FYN: variants seen among roughly 807,000 people sequenced by gnomAD.
FYN encodes FYN proto-oncogene, Src family tyrosine kinase.
A neutral mutation model predicts 70.2 loss-of-function variants in FYN; 10 were observed. That is an observed-to-expected ratio of 0.14 (90% CI 0.09 to 0.24). FYN has a LOEUF of 0.24. FYN is among the 10% of genes least tolerant of loss of function. The pLI, the probability that FYN is intolerant of heterozygous loss-of-function variation, is 1.00. For missense variants in FYN, 319 were observed against 673.1 expected (o/e 0.47, Z 5.82); for synonymous variants, 236 against 248.6 (o/e 0.95, Z 0.48).
chr6:111,676,719 G>A (rs1175202576), intron 12 of FYN, among the ~76,000 whole-genome samples: 2 of 152,210 alleles, frequency 1.3e-5, no homozygotes, highest in Non-Finnish European at 2.9e-5. Flanking sequence ...GACCATCTCT[G>A]AAGTAAATGG....
At chr6:111,805,457 A>G (rs1157446181) in intron 2 of FYN, among the ~76,000 whole-genome samples, 3 of 152,108 alleles carry the variant, frequency 2.0e-5, no homozygotes, top group African/African-American at 7.2e-5. Context: ...AAATCTGGCA[A>G]CTCTACACAT....
At chr6:111,679,124 G>C (rs754806812) in intron 12 of FYN, among the ~76,000 whole-genome samples, 1 of 151,996 alleles carries the variant, frequency 6.6e-6, no homozygotes, top group Admixed American at 6.6e-5. Flanking sequence ...GCCCTTCTTT[G>C]ACTGCTTTGC....
chr6:111,759,472 T>C (rs1802904285), intron 3 of FYN, among the ~76,000 whole-genome samples: 1 of 152,194 alleles, frequency 6.6e-6, no homozygotes, highest in African/African-American at 2.4e-5. Flanking sequence ...ACTCCAGCCC[T>C]CGTGCAGTGG....
intron 3 of FYN, among the ~76,000 whole-genome samples, chr6:111,752,186 A>G (rs190558981): frequency 6.6e-6 from 1 of 152,322 alleles, no homozygotes; most frequent in East Asian, 1.9e-4. Flanking sequence ...CTATTAGTCC[A>G]ACTTCGTGAT....
intron 2 of FYN, among the ~76,000 whole-genome samples, chr6:111,810,506 T>C (rs1318824225): frequency 6.6e-6 from 1 of 152,234 alleles, no homozygotes; most frequent in Admixed American, 6.5e-5. Context: ...TTAGATGTTT[T>C]AGTTCGGCCC....
chr6:111,854,587 G>A (rs987616905), intron 1 of FYN, among the ~76,000 whole-genome samples: 8 of 152,298 alleles, frequency 5.3e-5, no homozygotes, highest in Middle Eastern at 3.4e-3. Flanking sequence ...AAACAGATCT[G>A]CTACAGATCT....
chr6:111,829,209 TC>T (rs1330037718), intron 2 of FYN, among the ~76,000 whole-genome samples: 1 of 152,204 alleles, frequency 6.6e-6, no homozygotes, highest in Non-Finnish European at 1.5e-5. Context: ...CAGTCTTAAC[TC>T]ACCATCATCC....
At chr6:111,762,138 T>A (rs1205035382) in intron 3 of FYN, among the ~76,000 whole-genome samples, 1 of 151,948 alleles carries the variant, frequency 6.6e-6, no homozygotes, top group Non-Finnish European at 1.5e-5. Flanking sequence ...CTGGAAAAAA[T>A]AACTTGTTCA....
chr6:111,762,696 C>T (rs6926566), intron 3 of FYN, among the ~76,000 whole-genome samples: 70,242 of 151,894 alleles, frequency 0.46, 16,426 homozygotes, highest in East Asian at 0.61. Context: ...TGGGGGAAGT[C>T]TGCATGCAGG....
intron 3 of FYN, among the ~76,000 whole-genome samples, chr6:111,779,897 C>CAA (rs1025083782): frequency 6.6e-6 from 1 of 152,240 alleles, no homozygotes; most frequent in African/African-American, 2.4e-5. Context: ...ATTCTCACAA[C>CAA]AACCCTATGA....
chr6:111,845,537 A>T (rs1474387955), intron 2 of FYN, among the ~76,000 whole-genome samples: 1 of 152,208 alleles, frequency 6.6e-6, no homozygotes, highest in African/African-American at 2.4e-5. Flanking sequence ...TTGTTCTGGA[A>T]CAATGTTTCA....
chr6:111,702,895 T>C lies in FYN; in HGVS notation c.687A>G (p.Gln229=), dbSNP rs77439992. ...AQFETLQQLV[Q]HYSERAAGLC... ...TAGAATTAAGGTTACCTGAGTAATG[T>C]TGTACAAGCTGCTGAAGTGTTTCAA... is the stretch of plus-strand genomic sequence containing the variant. The change falls in exon 8 of 14, where the codon CAA becomes CAG. Residue 229 remains glutamine (Q), a synonymous_variant. Coordinates refer to ENST00000354650, the MANE Select transcript of FYN (RefSeq NM_002037.5). 5.6e-6 allele frequency: 9 copies of C among 1,613,914 alleles called. No homozygotes were observed. Among genetic ancestry groups the C allele is most frequent in the African/African-American group, 4.0e-5 (3 of 74,914 alleles).
intron 3 of FYN, among the ~76,000 whole-genome samples, chr6:111,742,494 C>A (rs1024881687): frequency 1.3e-5 from 2 of 152,166 alleles, no homozygotes; most frequent in Non-Finnish European, 2.9e-5. Flanking sequence ...AACTTCTAAC[C>A]CCAAAACCCC....
At chr6:111,714,622 G>A (rs911436834) in intron 4 of FYN, 179 bp from the exon 5 acceptor site, 1 of 587,550 alleles carries the variant, frequency 1.7e-6, no homozygotes, top group East Asian at 2.8e-5. Context: ...TTTATGCCTT[G>A]GTCTTTGTAG....
chr6:111,738,428 C>T (rs577118963), intron 3 of FYN, among the ~76,000 whole-genome samples: 52 of 152,304 alleles, frequency 3.4e-4, no homozygotes, highest in Non-Finnish European at 5.9e-4. Flanking sequence ...GAGTCAGGTG[C>T]CCCCAAGGCT....
intron 2 of FYN, among the ~76,000 whole-genome samples, chr6:111,842,922 A>T (rs1284207576): frequency 2.0e-5 from 3 of 152,168 alleles, no homozygotes; most frequent in Admixed American, 1.3e-4. Context: ...ATTTCAAAGA[A>T]CTCACTCACT....
intron 2 of FYN, among the ~76,000 whole-genome samples, chr6:111,814,613 T>C (rs932712201): frequency 1.3e-4 from 20 of 152,056 alleles, no homozygotes; most frequent in African/African-American, 4.6e-4. Context: ...AAGAAAATAT[T>C]ATATAAACCT....
At chr6:111,829,374 T>G (rs1257163954) in intron 2 of FYN, among the ~76,000 whole-genome samples, 1 of 152,208 alleles carries the variant, frequency 6.6e-6, no homozygotes, top group Non-Finnish European at 1.5e-5. Flanking sequence ...TAGTAAAATC[T>G]AATTAGAAAC....
chr6:111,804,455 T>C (rs1416734302), intron 2 of FYN, among the ~76,000 whole-genome samples: 2 of 152,192 alleles, frequency 1.3e-5, no homozygotes, highest in Non-Finnish European at 2.9e-5. Context: ...AGGAATAGGA[T>C]GCTACATCGC....
Sources: gnomAD v4.1 joint callset for allele counts (sites outside exome capture counted in the v4.1 genomes callset) on GRCh38, gnomAD v4.1.1 for gene constraint, MANE v1.5 for transcripts, NCBI Gene and HGNC (gene_info 2026-07-23, HGNC 2026-07-21) for gene names.